Variants in RORA observed in about 807,000 individuals in gnomAD.
RORA encodes RAR related orphan receptor A.
A neutral mutation model predicts 69.5 loss-of-function variants in RORA; 7 were observed. The ratio of observed to expected loss-of-function variants is 0.10; its 90% CI spans 0.06 to 0.19. The LOEUF (loss-of-function observed/expected upper bound fraction) is 0.19. Among genes scored for constraint, RORA ranks in the 10% least tolerant of loss-of-function variants. The probability of loss-of-function intolerance (pLI) is 1.00; values close to 1 mark genes in which losing one functional copy is unlikely to be tolerated. For synonymous variants in RORA, 261 were observed against 240.8 expected (o/e 1.08, Z -0.78); for missense variants, 457 against 663.0 (o/e 0.69, Z 3.41).
chr15:60,559,393 T>A (rs1359068907), intron 2 of RORA, among the ~76,000 whole-genome samples: 1 of 152,214 alleles, frequency 6.6e-6, no homozygotes, highest in Non-Finnish European at 1.5e-5. Context: ...TAGAATTAGC[T>A]ATGTCTTGGA....
intron 1 of RORA, among the ~76,000 whole-genome samples, chr15:61,110,492 T>C (rs561593477): frequency 2.6e-4 from 39 of 152,312 alleles, no homozygotes; most frequent in African/African-American, 1.4e-4. Context: ...TATTATAATA[T>C]GCTTCATATT....
At chr15:60,538,180 A>G (rs575882096) in intron 2 of RORA, among the ~76,000 whole-genome samples, 8 of 152,294 alleles carry the variant, frequency 5.3e-5, no homozygotes, top group Admixed American at 4.6e-4. Flanking sequence ...GATTTATGCC[A>G]TCACTGATCT....
chr15:60,872,576 C>T (rs769141393), intron 1 of RORA, among the ~76,000 whole-genome samples: 4 of 152,168 alleles, frequency 2.6e-5, no homozygotes, highest in East Asian at 1.9e-4. Context: ...ATCTCTGAAA[C>T]TGCAGAGTGG....
At chr15:60,591,470 T>C (rs1437735713) in intron 2 of RORA, among the ~76,000 whole-genome samples, 1 of 152,212 alleles carries the variant, frequency 6.6e-6, no homozygotes, top group Non-Finnish European at 1.5e-5. Flanking sequence ...CCTTCTCACC[T>C]GAGAGGACCT....
intron 2 of RORA, among the ~76,000 whole-genome samples, chr15:60,546,630 G>T (rs1215807290): frequency 5.9e-5 from 9 of 152,116 alleles, no homozygotes; most frequent in Admixed American, 5.2e-4. Flanking sequence ...TAGTTCCAAA[G>T]GACTTCCTGT....
chr15:60,592,263 C>CG (rs2068545215), intron 2 of RORA: 4 of 621,646 alleles, frequency 6.4e-6, no homozygotes, highest in Non-Finnish European at 9.0e-6. Flanking sequence ...GGCAGGGCCC[C>CG]CGCGCCGAGC....
chr15:61,189,856 CAAAAAAAAA>C (rs71125907), intron 1 of RORA, among the ~76,000 whole-genome samples: 29 of 42,894 alleles, frequency 6.8e-4, no homozygotes, highest in East Asian at 5.6e-3. Context: ...GACTCTGTCT[CAAAAAAAAA>C]AAAAAAAAAA....
chr15:60,718,126 C>T (rs1351710714), intron 1 of RORA, among the ~76,000 whole-genome samples: 1 of 151,998 alleles, frequency 6.6e-6, no homozygotes, highest in African/African-American at 2.4e-5. Context: ...ACCTTCGTAA[C>T]AGCAAAGTTA....
At chr15:60,992,305 G>A (rs1327277247) in intron 1 of RORA, among the ~76,000 whole-genome samples, 4 of 152,124 alleles carry the variant, frequency 2.6e-5, no homozygotes, top group Non-Finnish European at 4.4e-5. Context: ...GGTTAAGCAC[G>A]GAGCTATGAT....
chr15:60,670,919 T>C (rs1403259472), intron 2 of RORA, among the ~76,000 whole-genome samples: 1 of 152,094 alleles, frequency 6.6e-6, no homozygotes, highest in Non-Finnish European at 1.5e-5. Context: ...TTGGCATCTC[T>C]GTTTCTTCTA....
rs528311707 is a variant in RORA, at chr15:61,121,940, T to C, written c.166+107113A>G. Among the ~76,000 whole-genome samples, 8 of 152,048 alleles carry C rather than the reference T, an allele frequency of 5.3e-5. No individual in the cohort carries two copies. In the East Asian group the frequency reaches 1.5e-3, roughly 29 times the overall value. On this transcript the variant is annotated intron_variant, in intron 1 of 10. Coordinates refer to ENST00000335670, the MANE Select transcript of RORA (RefSeq NM_134261.3). Reference sequence around the variant, plus strand: ...ATTACTGCAGCATTAAAAGTGATAGTAGAATAATGTCATCTAGTGTATATG... The same window carrying C: ...ATTACTGCAGCATTAAAAGTGATAGCAGAATAATGTCATCTAGTGTATATG...
intron 1 of RORA, among the ~76,000 whole-genome samples, chr15:60,770,218 T>A (rs1289917437): frequency 6.6e-6 from 1 of 152,230 alleles, no homozygotes; most frequent in Non-Finnish European, 1.5e-5. Context: ...GATATTCCTT[T>A]TTTTTTCTTG....
intron 2 of RORA, among the ~76,000 whole-genome samples, chr15:60,647,057 A>G (rs952558401): frequency 2.6e-5 from 4 of 152,304 alleles, no homozygotes; most frequent in Admixed American, 1.3e-4. Flanking sequence ...TCTCATTCCA[A>G]AATGGTTCAC....
intron 1 of RORA, among the ~76,000 whole-genome samples, chr15:61,040,160 A>G (rs1239836782): frequency 1.6e-5 from 2 of 125,658 alleles, no homozygotes; most frequent in African/African-American, 3.0e-5. Flanking sequence ...ATATATATAT[A>G]TATAAAATAT....
At chr15:60,517,759 ATGTATT>A (rs1476207101) in intron 3 of RORA, among the ~76,000 whole-genome samples, 2 of 152,192 alleles carry the variant, frequency 1.3e-5, no homozygotes, top group Non-Finnish European at 2.9e-5. Context: ...AAAATCAGGA[ATGTATT>A]TGTTTTTGCT....
chr15:60,541,442 C>A (rs1310912427), intron 2 of RORA, among the ~76,000 whole-genome samples: 1 of 152,182 alleles, frequency 6.6e-6, no homozygotes, highest in Admixed American at 6.5e-5. Context: ...TTTAAACTTG[C>A]TGATTAAAGA....
intron 1 of RORA, among the ~76,000 whole-genome samples, chr15:60,728,140 TC>T (rs767228199): frequency 2.4e-4 from 36 of 152,352 alleles, no homozygotes; most frequent in Admixed American, 6.5e-4. Flanking sequence ...CTACTTCCCA[TC>T]CGGGTGACTA....
intron 1 of RORA, among the ~76,000 whole-genome samples, chr15:60,945,527 A>G (rs1322197389): frequency 6.6e-6 from 1 of 152,170 alleles, no homozygotes. Flanking sequence ...TGCTTGTTAG[A>G]AAAAATACTT....
chr15:60,916,504 A>G (rs1891876678), intron 1 of RORA, among the ~76,000 whole-genome samples: 1 of 152,236 alleles, frequency 6.6e-6, no homozygotes, highest in Non-Finnish European at 1.5e-5. Flanking sequence ...GTCAGTCCCT[A>G]GCTCCCTTTG....
Sources: allele counts gnomAD v4.1 joint callset (sites outside exome capture counted in the v4.1 genomes callset), GRCh38; gene constraint gnomAD v4.1.1; transcripts MANE v1.5; gene names NCBI Gene and HGNC (gene_info 2026-07-23, HGNC 2026-07-21).